Variants in KLHDC4 observed in about 807,000 individuals in gnomAD.
The protein encoded by KLHDC4 is kelch domain containing 4.
Under a neutral mutation model 62.4 loss-of-function variants are expected in KLHDC4, and 90 were observed. The ratio of observed to expected loss-of-function variants is 1.44; its 90% confidence interval spans 1.22 to 1.72. The LOEUF (loss-of-function observed/expected upper bound fraction) is 1.72. Among genes scored for constraint, KLHDC4 ranks in the 40% most tolerant of loss-of-function variants. The pLI is 0.00. For synonymous variants in KLHDC4, 386 were observed against 284.4 expected (o/e 1.36, Z -3.59); for missense variants, 1,025 against 699.7 (o/e 1.47, Z -5.25).
intron 4 of KLHDC4, among the ~76,000 whole-genome samples, chr16:87,751,573 T>C (rs1480678297): frequency 6.6e-6 from 1 of 152,166 alleles, no homozygotes; most frequent in East Asian, 1.9e-4. Flanking sequence ...TGCCTTTTAA[T>C]TCTTTTCATT....
chr16:87,759,994 C>A (rs1302418821), intron 2 of KLHDC4, among the ~76,000 whole-genome samples: 1 of 151,934 alleles, frequency 6.6e-6, no homozygotes, highest in Non-Finnish European at 1.5e-5. Context: ...CCAATCCTGA[C>A]GATATGCTCA....
intron 2 of KLHDC4, among the ~76,000 whole-genome samples, chr16:87,759,592 C>T (rs1046181285): frequency 5.3e-5 from 8 of 151,998 alleles, no homozygotes; most frequent in Non-Finnish European, 8.8e-5. Context: ...ACTAAAAATA[C>T]AAAATTAGCC....
chr16:87,731,665 G>C (rs1041448061), intron 5 of KLHDC4, among the ~76,000 whole-genome samples: 1 of 151,908 alleles, frequency 6.6e-6, no homozygotes. Flanking sequence ...AAACAACGGT[G>C]AAACATAAAC....
At chr16:87,708,545 C>T (rs777598068) in intron 10 of KLHDC4, 79 bp from the exon 11 acceptor site, 54 of 978,374 alleles carry the variant, frequency 5.5e-5, no homozygotes, top group Non-Finnish European at 6.5e-5. Context: ...GTGGTGGCTA[C>T]GTCCTGGGGG....
At chr16:87,741,504 C>A (rs76050395) in intron 5 of KLHDC4, among the ~76,000 whole-genome samples, 1 of 152,172 alleles carries the variant, frequency 6.6e-6, no homozygotes, top group Non-Finnish European at 1.5e-5. Context: ...CTCCTTAGGA[C>A]AATCTAATGC....
intron 7 of KLHDC4, among the ~76,000 whole-genome samples, chr16:87,718,675 C>A (rs1449633999): frequency 6.6e-6 from 1 of 151,140 alleles, no homozygotes; most frequent in Non-Finnish European, 1.5e-5. Flanking sequence ...AGCGTCTCTG[C>A]CTGGCCGCCC....
chr16:87,722,367 AG>A (rs1455535162), intron 7 of KLHDC4, among the ~76,000 whole-genome samples: 5 of 152,182 alleles, frequency 3.3e-5, no homozygotes, highest in Non-Finnish European at 5.9e-5. Context: ...AGGAGGAAGG[AG>A]GGCAGGTGTC....
chr16:87,730,628 A>T lies in KLHDC4; in HGVS notation c.523T>A (p.Ser175Thr). The change falls in exon 6 of 12, where the codon TCG (serine) becomes ACG (threonine). Residue 175 changes from serine to threonine, a missense_variant. Transcript: ENST00000270583. ...ACCATCCGATGTCCACTCCGACCCG[A>T]AGGACCGCCTGTTGATCTAAAATGA... Reference protein sequence around the residue: ...WEQVKSTGGPSGRSGHRMVAW... With the variant: ...WEQVKSTGGPTGRSGHRMVAW... 1 of 1,612,790 alleles carries T rather than the reference A, an allele frequency of 6.2e-7. No individual in the cohort carries two copies. Among genetic ancestry groups the T allele is most frequent in the Non-Finnish European group, 8.5e-7 (1 of 1,179,716 alleles).
In KLHDC4 at chr16:87,756,234, G is replaced by A; in HGVS notation, c.270+165C>T. The A allele has an allele frequency of 8.9e-6, 5 of 562,090 alleles. No individual in the cohort carries two copies. The South Asian group carries it at 9.8e-5, about 11-fold the overall frequency. 34.8% of individuals were successfully genotyped at this position (562,090 alleles called of 1,614,324 possible). Reference sequence around the variant, plus strand: ...CTGAAGTCATCAACAGTCATGCCAGGGCCTGGAGCATCCTGGCGACGTCTC... The same window carrying A: ...CTGAAGTCATCAACAGTCATGCCAGAGCCTGGAGCATCCTGGCGACGTCTC... On this transcript the variant is annotated intron_variant, in intron 3 of 11. Transcript: ENST00000270583.
chr16:87,750,877 G>A (rs371489805), intron 4 of KLHDC4: 2 of 152,264 alleles, frequency 1.3e-5, no homozygotes, highest in African/African-American at 4.8e-5. Context: ...GGACTTACCT[G>A]TAAAGGGACA....
chr16:87,738,661 TCATC>T (rs1239619338), intron 5 of KLHDC4, among the ~76,000 whole-genome samples: 2 of 116,654 alleles, frequency 1.7e-5, no homozygotes, highest in Non-Finnish European at 3.5e-5. Context: ...CACCAGCATC[TCATC>T]CATCCACACA....
rs149667062 is a variant in KLHDC4 at position 87,711,379 on chromosome 16, G to A, written c.900C>T (p.Ser300=). 3.9e-5 allele frequency: 63 copies of A among 1,613,796 alleles called. No individual in the cohort carries two copies. Among genetic ancestry groups the A allele is most frequent in the South Asian group, 8.8e-5 (8 of 91,074 alleles). ...TCTGGTGATTCGGGGCCATGGCCAC[G>A]GAAAAGCCAGACCGTGGGGTGGGCT... The part of the protein sequence containing the change: ...GVKPTPRSGF[S]VAMAPNHQTL... Residue 300 remains serine (S), a synonymous_variant, in exon 9 of 12, where the codon TCC becomes TCT. Transcript: ENST00000270583.
At chr16:87,720,305 A>G (rs1182872440) in intron 7 of KLHDC4, among the ~76,000 whole-genome samples, 1 of 152,194 alleles carries the variant, frequency 6.6e-6, no homozygotes, top group Non-Finnish European at 1.5e-5. Flanking sequence ...CGAAATCACA[A>G]TCAGGCAGGG....
chr16:87,720,579 A>C (rs2038085650), intron 7 of KLHDC4, among the ~76,000 whole-genome samples: 1 of 152,226 alleles, frequency 6.6e-6, no homozygotes, highest in Non-Finnish European at 1.5e-5. Flanking sequence ...ACATCAGTGC[A>C]CAGGAGGCAT....
chr16:87,703,994 A>G (rs74039481), downstream of KLHDC4, among the ~76,000 whole-genome samples: 1 of 152,218 alleles, frequency 6.6e-6, no homozygotes, highest in South Asian at 2.1e-4. Context: ...AGCAGCGGTC[A>G]CTAGCAAGTT....
chr16:87,709,376 C>G lies in KLHDC4; in HGVS notation c.1336G>C (p.Val446Leu), dbSNP rs150593777. The change falls in exon 10 of 12, where the codon GTC becomes CTC. Residue 446 changes from valine (V) to leucine (L), a missense_variant. By Grantham distance (32) the Val-to-Leu change is conservative. Transcript: ENST00000270583. Reference protein sequence around the residue: ...MLAVKHGVLYVYGGMFEAGDR... With the variant: ...MLAVKHGVLYLYGGMFEAGDR... ...CCGGCCTCAAACATGCCCCCATAGA[C>G]GTAGAGCACCCCATGCTTCACAGCC... 4 of 1,613,496 alleles carry G rather than the reference C, an allele frequency of 2.5e-6. No homozygotes were observed. Among genetic ancestry groups the G allele is most frequent in the Non-Finnish European group, 3.4e-6 (4 of 1,179,942 alleles).
intron 4 of KLHDC4, among the ~76,000 whole-genome samples, chr16:87,752,825 C>A (rs1439737053): frequency 6.6e-6 from 1 of 152,188 alleles, no homozygotes; most frequent in East Asian, 1.9e-4. Context: ...ACTACGGAGA[C>A]CCACAGATAA....
intron 7 of KLHDC4, among the ~76,000 whole-genome samples, chr16:87,717,437 G>C (rs1163960870): frequency 2.0e-5 from 3 of 152,202 alleles, no homozygotes; most frequent in Non-Finnish European, 4.4e-5. Flanking sequence ...TGTCCACAGA[G>C]ACTTCATATT....
intron 5 of KLHDC4, among the ~76,000 whole-genome samples, chr16:87,734,499 C>G (rs559138945): frequency 1.1e-4 from 16 of 152,306 alleles, no homozygotes; most frequent in African/African-American, 3.1e-4. Flanking sequence ...GGAGCGAATT[C>G]GGTTCTCACT....
Sources: gnomAD v4.1 joint callset for allele counts (sites outside exome capture counted in the v4.1 genomes callset) on GRCh38, gnomAD v4.1.1 for gene constraint, MANE v1.5 for transcripts, NCBI Gene and HGNC (gene_info 2026-07-23, HGNC 2026-07-21) for gene names.